The following PTPRN2 variants were observed in gnomAD, a reference collection of about 807,000 sequenced individuals.
PTPRN2 encodes receptor-type tyrosine-protein phosphatase N2.
PTPRN2 carries 74 observed loss-of-function variants against 118.8 expected under a neutral mutation model. The ratio of observed to expected loss-of-function variants is 0.62; its 90% confidence interval spans 0.52 to 0.76. The LOEUF is 0.76. Among genes scored for constraint, PTPRN2 ranks in the 30% least tolerant of loss-of-function variants. The pLI is 0.00. For synonymous variants in PTPRN2, 641 were observed against 608.0 expected (o/e 1.05, Z -0.80); for missense variants, 1,481 against 1,394.4 (o/e 1.06, Z -0.99).
chr7:158,064,226 G>A (rs1240938305), intron 11 of PTPRN2, among the ~76,000 whole-genome samples: 3 of 152,224 alleles, frequency 2.0e-5, no homozygotes, highest in Admixed American at 6.5e-5. Flanking sequence ...GCAAGTTGGG[G>A]TTTAACCGCA....
chr7:158,272,086 C>T (rs1042631243), intron 3 of PTPRN2, among the ~76,000 whole-genome samples: 2 of 152,208 alleles, frequency 1.3e-5, no homozygotes, highest in Admixed American at 6.5e-5. Flanking sequence ...AATTTTAAAA[C>T]GATTTTTCCT....
At chr7:157,783,059 G>A (rs532920541) in intron 12 of PTPRN2, among the ~76,000 whole-genome samples, 31 of 152,170 alleles carry the variant, frequency 2.0e-4, no homozygotes, top group African/African-American at 6.5e-4. Context: ...AAGATCTGAC[G>A]GTTTTATCAT....
Position 157,929,903 on chromosome 7 carries a change from C to A in PTPRN2, c.1724-31166G>T, listed in dbSNP as rs1299955309. ...AAGGCAGCCCCCACCAACGCGCTGG[C>A]TGCCTTGGGGCCAGGCATGAAGCGA... On this transcript the variant is annotated intron_variant, in intron 11 of 22. Coordinates refer to ENST00000389418, the MANE Select transcript of PTPRN2 (RefSeq NM_002847.5). The surrounding 1 kb of genome is among the most constrained non-coding windows in gnomAD (Gnocchi z 4.4). 6.6e-6 allele frequency among the ~76,000 whole-genome samples: 1 copy of A among 152,190 alleles called. No homozygotes were observed. The highest frequency in any genetic ancestry group is 1.5e-5 in the Non-Finnish European group (1 of 68,036).
chr7:157,737,605 C>T (rs1285245237), intron 12 of PTPRN2, among the ~76,000 whole-genome samples: 1 of 152,272 alleles, frequency 6.6e-6, no homozygotes, highest in Admixed American at 6.5e-5. Context: ...CAGGCGCTCC[C>T]ATTCGTACTC....
rs376135943 is a variant in PTPRN2 at position 158,507,006 on chromosome 7, C to T, written c.113-17221G>A. Among the ~76,000 whole-genome samples, 29 of 152,316 alleles carry T rather than the reference C, an allele frequency of 1.9e-4. No individual in the cohort carries two copies. In the East Asian group the frequency reaches 5.2e-3, roughly 27 times the overall value. On this transcript the variant is annotated intron_variant, in intron 1 of 22. Coordinates refer to ENST00000389418, the MANE Select transcript of PTPRN2 (RefSeq NM_002847.5). ...GGATTCCAACCTGACTAGAGAGGCC[C>T]CAGCATGGTCAGCTGAGGAACATCA...
At position 157,898,686 on chromosome 7, in the gene PTPRN2, G is replaced by T. The variant is rs1458439735; in HGVS notation, c.1775C>A (p.Thr592Asn). The stretch of plus-strand genomic sequence containing the variant: ...TCTGTTACTCACCGACCCGACTCCG[G>T]TTTGAAGAATTTTCAGTCCAGAGGT... Reference protein sequence around the residue: ...EETSGLKILQTGVGSKSKLKF... With the variant: ...EETSGLKILQNGVGSKSKLKF... The change falls in exon 12 of 23, where the codon ACC (threonine) becomes AAC (asparagine). Residue 592 changes from threonine to asparagine, a missense_variant. Physicochemically the swap from Thr to Asn is moderately conservative, Grantham distance 65 (BLOSUM62 0). Around this residue, in one of 3 missense-constraint regions of PTPRN2, gnomAD observed 1,115 missense variants for 994.2 expected, o/e 1.12. Coordinates refer to ENST00000389418, the MANE Select transcript of PTPRN2 (RefSeq NM_002847.5). 6.2e-7 allele frequency: 1 copy of T among 1,603,484 alleles called. No individual in the cohort carries two copies. Among genetic ancestry groups the T allele is most frequent in the Non-Finnish European group, 8.5e-7 (1 of 1,170,386 alleles).
intron 12 of PTPRN2, among the ~76,000 whole-genome samples, chr7:157,879,319 A>C (rs1795981706): frequency 6.6e-6 from 1 of 152,242 alleles, no homozygotes; most frequent in Non-Finnish European, 1.5e-5. Context: ...AGCCTCCATG[A>C]GAACAGCAGG....
chr7:157,823,309 T>C (rs1806968448), intron 12 of PTPRN2, among the ~76,000 whole-genome samples: 1 of 152,260 alleles, frequency 6.6e-6, no homozygotes, highest in Non-Finnish European at 1.5e-5. Flanking sequence ...CAAGAAATTC[T>C]AATTAATGTT....
chr7:158,155,103 T>G (rs763048467), intron 6 of PTPRN2, among the ~76,000 whole-genome samples: 1 of 152,206 alleles, frequency 6.6e-6, no homozygotes, highest in South Asian at 2.1e-4. Flanking sequence ...CTTTCAGTGC[T>G]CCAACTGGGC....
At chr7:158,306,855 G>GTTTTTTT (rs61276074) in intron 3 of PTPRN2, among the ~76,000 whole-genome samples, 4 of 121,428 alleles carry the variant, frequency 3.3e-5, no homozygotes, top group Non-Finnish European at 7.1e-5. Context: ...GCTGTTTTTT[G>GTTTTTTT]TTTTTTTTTT....
At chr7:158,441,060 G>GTA (rs1563295617) in intron 2 of PTPRN2, among the ~76,000 whole-genome samples, 1 of 51,022 alleles carries the variant, frequency 2.0e-5, no homozygotes, top group Non-Finnish European at 4.7e-5. Flanking sequence ...GGTAGTGATG[G>GTA]GGGTGGTAGT....
chr7:158,521,648 G>C lies in PTPRN2; in HGVS notation c.113-31863C>G, dbSNP rs1276831198. Among the ~76,000 whole-genome samples the C allele has an allele frequency of 6.1e-4, 58 of 95,756 alleles. 2 individuals carry two copies. The highest frequency in any genetic ancestry group is 0.01 in the Middle Eastern group (2 of 198). The allele number at this position is 95,756 out of a possible 152,430, so 62.8% of individuals were successfully genotyped here. On this transcript the variant is annotated intron_variant, in intron 1 of 22. Transcript: ENST00000389418. ...GAGGGAGGTCCACGTCACAATGGTG[G>C]ACTGTCCAGGTGCTGGCTCGGGAGG...
At chr7:158,204,680 C>T (rs1563600782) in intron 4 of PTPRN2, among the ~76,000 whole-genome samples, 1 of 152,054 alleles carries the variant, frequency 6.6e-6, no homozygotes. Flanking sequence ...TGACATTAGT[C>T]CATGGTATGT....
chr7:157,997,088 T>C (rs1005250171), intron 11 of PTPRN2, among the ~76,000 whole-genome samples: 4 of 152,166 alleles, frequency 2.6e-5, no homozygotes, highest in African/African-American at 9.6e-5. Context: ...CCAGGTCCCC[T>C]GACGTGGGGT....
At chr7:157,973,267 A>G (rs573173751) in intron 11 of PTPRN2, among the ~76,000 whole-genome samples, 17 of 151,862 alleles carry the variant, frequency 1.1e-4, no homozygotes, top group Middle Eastern at 3.4e-3. Context: ...CCTTTAGTTC[A>G]TGGGCTGATA....
At chr7:158,050,061 T>G (rs1206561391) in intron 11 of PTPRN2, among the ~76,000 whole-genome samples, 6 of 152,142 alleles carry the variant, frequency 3.9e-5, no homozygotes, top group Non-Finnish European at 8.8e-5. Flanking sequence ...AGGAAAGAAA[T>G]AAAATACATG....
chr7:158,098,440 C>T (rs73748059), intron 10 of PTPRN2, among the ~76,000 whole-genome samples: 48,545 of 152,148 alleles, frequency 0.32, 8,278 homozygotes, highest in African/African-American at 0.43. Flanking sequence ...CCGAGGGTGA[C>T]GCTTACCCAG....
intron 11 of PTPRN2, among the ~76,000 whole-genome samples, chr7:157,927,115 A>G (rs60671537): frequency 0.19 from 10,784 of 56,384 alleles, 1,397 homozygotes; most frequent in African/African-American, 0.37. Context: ...CCGTCTGAGA[A>G]CAGAGGCCTC....
chr7:158,198,317 G>A (rs907681404), intron 4 of PTPRN2, among the ~76,000 whole-genome samples: 12 of 152,184 alleles, frequency 7.9e-5, no homozygotes, highest in African/African-American at 2.9e-4. Flanking sequence ...CTTTTGCTCT[G>A]TCATCCAGCT....
Sources: gnomAD v4.1 joint callset for allele counts (sites outside exome capture counted in the v4.1 genomes callset) on GRCh38, gnomAD v4.1.1 for gene constraint, gnomAD v4.1.1 regional missense constraint, Gnocchi (gnomAD v3.1) non-coding constraint, MANE v1.5 for transcripts, NCBI Gene and HGNC (gene_info 2026-07-23, HGNC 2026-07-21) for gene names.